The following GRB2 variants were observed in gnomAD, a reference collection of about 807,000 sequenced individuals.
The protein encoded by GRB2 is growth factor receptor-bound protein 2.
In GRB2, 2 loss-of-function variants were observed where a neutral mutation model predicts 27.4. The observed-to-expected ratio is 0.07, with a 90% CI of 0.03 to 0.23. The LOEUF is 0.23. Ranked by LOEUF, GRB2 falls within the 10% of genes least tolerant of loss-of-function variation. The pLI, the probability that GRB2 is intolerant of heterozygous loss-of-function variation, is 1.00. For synonymous variants in GRB2, 94 were observed against 99.6 expected, an observed-to-expected ratio of 0.94 and a Z score of 0.33; for missense variants, 102 against 282.4, an observed-to-expected ratio of 0.36 and a Z score of 4.58.
At chr17:75,328,429 T>G (rs893176441) in intron 3 of GRB2, among the ~76,000 whole-genome samples, 19 of 141,720 alleles carry the variant, frequency 1.3e-4, no homozygotes, top group Admixed American at 2.8e-4. Flanking sequence ...TCATCTGAGG[T>G]CAGGAGTTCG....
At chr17:75,327,403 C>T (rs1321101872) in intron 3 of GRB2, among the ~76,000 whole-genome samples, 2 of 137,630 alleles carry the variant, frequency 1.5e-5, no homozygotes, top group Admixed American at 1.5e-4. Flanking sequence ...TAGAGTCTCA[C>T]TCTGTCATCA....
In GRB2 at chr17:75,341,468, A is replaced by C. The variant is rs549949135; in HGVS notation, c.79-8671T>G. Among the ~76,000 whole-genome samples the C allele has an allele frequency of 3.2e-3, 405 of 126,744 alleles. 5 individuals carry two copies. The highest frequency in any genetic ancestry group is 0.01 in the African/African-American group (392 of 38,698). 83.1% of individuals were successfully genotyped at this position (126,744 alleles called of 152,430 possible). On this transcript the variant is annotated intron_variant, in intron 2 of 5. Transcript: ENST00000316804. ...CCATTAAAAAAAAAAAAAAAAAAAA[A>C]ACACAAAAGAAAAACAAAGGGTATT...
In GRB2 at chr17:75,319,411, G is replaced by A. The variant is rs892974317; in HGVS notation, c.*957C>T. The A allele has an allele frequency of 6.7e-6, 1 of 149,184 alleles. No homozygotes were observed. Among genetic ancestry groups the A allele is most frequent in the African/African-American group, 2.5e-5 (1 of 40,782 alleles). 9.2% of individuals were successfully genotyped at this position (149,184 alleles called of 1,614,324 possible). The stretch of plus-strand genomic sequence containing the variant: ...CATGCTCGATAATCCCACTGGAAGG[G>A]CCAACAAAGTGGAAAGAGACAGGCT... On this transcript the variant is annotated 3_prime_UTR_variant, in exon 6 of 6. Transcript: ENST00000316804.
intron 2 of GRB2, among the ~76,000 whole-genome samples, chr17:75,392,480 G>A (rs1395299745): frequency 1.3e-5 from 2 of 152,142 alleles, no homozygotes; most frequent in Non-Finnish European, 1.5e-5. Flanking sequence ...CTATCAATAA[G>A]TCCACATAAC....
chr17:75,350,683 A>G (rs1003652769), intron 2 of GRB2, among the ~76,000 whole-genome samples: 9 of 152,070 alleles, frequency 5.9e-5, no homozygotes, highest in East Asian at 1.9e-4. Context: ...CAGTAGAGAC[A>G]GGGTTTCACC....
At chr17:75,403,183 T>G (rs939071273) in intron 1 of GRB2, among the ~76,000 whole-genome samples, 3 of 145,970 alleles carry the variant, frequency 2.1e-5, no homozygotes, top group African/African-American at 7.5e-5. Context: ...TATATATATA[T>G]ATACAGACTC....
At chr17:75,374,804 A>G (rs1285775137) in intron 2 of GRB2, among the ~76,000 whole-genome samples, 1 of 152,058 alleles carries the variant, frequency 6.6e-6, no homozygotes, top group Admixed American at 6.6e-5. Flanking sequence ...GAAAAGAAGA[A>G]AAAAAAAGCT....
intron 2 of GRB2, among the ~76,000 whole-genome samples, chr17:75,342,452 T>G (rs1567861582): frequency 6.6e-6 from 1 of 152,086 alleles, no homozygotes; most frequent in Non-Finnish European, 1.5e-5. Flanking sequence ...AATAAAAAAT[T>G]GAGACGAGGG....
intron 2 of GRB2, among the ~76,000 whole-genome samples, chr17:75,370,600 T>C (rs544772432): frequency 4.6e-5 from 7 of 152,224 alleles, no homozygotes; most frequent in Non-Finnish European, 1.0e-4. Flanking sequence ...GCTTGAAAAA[T>C]AGAAAACCTT....
intron 2 of GRB2, among the ~76,000 whole-genome samples, chr17:75,344,612 G>T (rs887340013): frequency 2.6e-5 from 4 of 151,908 alleles, no homozygotes; most frequent in African/African-American, 9.7e-5. Context: ...GGCTGGTGTT[G>T]AACTCCTGAG....
At chr17:75,360,941 T>C (rs371693853) in intron 2 of GRB2, among the ~76,000 whole-genome samples, 2 of 142,226 alleles carry the variant, frequency 1.4e-5, no homozygotes. Flanking sequence ...CTAATTTTAA[T>C]TTTTTTTTTG....
chr17:75,325,414 A>AC (rs1398182268), intron 4 of GRB2, among the ~76,000 whole-genome samples: 2 of 152,088 alleles, frequency 1.3e-5, no homozygotes, highest in Non-Finnish European at 2.9e-5. Context: ...TTCCCTGCTT[A>AC]CCCGCTCCCT....
chr17:75,396,847 T>C (rs904704967), intron 1 of GRB2, among the ~76,000 whole-genome samples: 4 of 152,212 alleles, frequency 2.6e-5, no homozygotes, highest in African/African-American at 7.2e-5. Flanking sequence ...AGGAGTTTTA[T>C]TTTTGAAAAA....
intron 2 of GRB2, chr17:75,373,798 A>ATTTTTTTT (rs567872973): frequency 1.4e-5 from 1 of 72,870 alleles, no homozygotes; most frequent in Non-Finnish European, 2.5e-5. Context: ...AGGTACTGGT[A>ATTTTTTTT]TTTTTTTTTT....
intron 2 of GRB2, among the ~76,000 whole-genome samples, chr17:75,360,947 T>C (rs1224610743): frequency 1.5e-5 from 2 of 135,146 alleles, no homozygotes; most frequent in Non-Finnish European, 3.1e-5. Context: ...TTAATTTTTT[T>C]TTTGGTAGAG....
intron 2 of GRB2, among the ~76,000 whole-genome samples, chr17:75,344,127 A>T (rs1006916552): frequency 3.3e-5 from 5 of 152,136 alleles, no homozygotes; most frequent in African/African-American, 1.2e-4. Context: ...AAAGACGATG[A>T]CTTAACTCCA....
At chr17:75,352,540 C>T (rs954395883) in intron 2 of GRB2, among the ~76,000 whole-genome samples, 1 of 152,174 alleles carries the variant, frequency 6.6e-6, no homozygotes, top group African/African-American at 2.4e-5. Context: ...AGAACATCCA[C>T]GCTCCCTGGA....
chr17:75,359,283 A>C (rs1785310272), intron 2 of GRB2, among the ~76,000 whole-genome samples: 1 of 151,546 alleles, frequency 6.6e-6, no homozygotes, highest in Non-Finnish European at 1.5e-5. Context: ...AGGCAGGAGG[A>C]CTGCTTGAAG....
At chr17:75,402,290 C>T (rs1383305573) in intron 1 of GRB2, among the ~76,000 whole-genome samples, 3 of 152,110 alleles carry the variant, frequency 2.0e-5, no homozygotes, top group African/African-American at 2.4e-5. Context: ...AAAAATCTTT[C>T]GTCTGAGTCT....
Sources: gnomAD v4.1 joint callset for allele counts (sites outside exome capture counted in the v4.1 genomes callset) on GRCh38, gnomAD v4.1.1 for gene constraint, MANE v1.5 for transcripts, NCBI Gene and HGNC (gene_info 2026-07-23, HGNC 2026-07-21) for gene names.